FBXW11: variants seen among roughly 807,000 people sequenced by gnomAD.
The protein encoded by FBXW11 is F-box and WD repeat domain containing 11.
A neutral mutation model predicts 77.6 loss-of-function variants in FBXW11; 19 were observed. The observed-to-expected ratio is 0.24, with a 90% confidence interval of 0.17 to 0.36. The LOEUF is 0.36. Ranked by LOEUF, FBXW11 falls within the 10% of genes least tolerant of loss-of-function variation. The pLI, the probability that FBXW11 is intolerant of heterozygous loss-of-function variation, is 1.00. For missense variants in FBXW11, 334 were observed against 704.2 expected (o/e 0.47, Z 5.95); for synonymous variants, 235 against 249.4 (o/e 0.94, Z 0.54).
At chr5:171,979,852 T>C (rs1481442606) in intron 1 of FBXW11, among the ~76,000 whole-genome samples, 1 of 152,152 alleles carries the variant, frequency 6.6e-6, no homozygotes, top group Non-Finnish European at 1.5e-5. Flanking sequence ...ACAGGGTCAT[T>C]TATAACCTGA....
chr5:171,994,653 AAAG>A (rs1160042181), intron 1 of FBXW11, among the ~76,000 whole-genome samples: 3 of 152,200 alleles, frequency 2.0e-5, no homozygotes, highest in African/African-American at 7.2e-5. Context: ...CATGCTCAAT[AAAG>A]AATAAGTACC....
At chr5:172,002,460 G>A (rs1766465610) in intron 1 of FBXW11, among the ~76,000 whole-genome samples, 1 of 140,726 alleles carries the variant, frequency 7.1e-6, no homozygotes, top group Non-Finnish European at 1.5e-5. Context: ...TATTCATTTG[G>A]ACCCTATTGA....
At chr5:171,987,541 C>G (rs1335378079) in intron 1 of FBXW11, among the ~76,000 whole-genome samples, 1 of 152,142 alleles carries the variant, frequency 6.6e-6, no homozygotes, top group Admixed American at 6.5e-5. Context: ...ACCTCCACCT[C>G]CCGGGTTCAA....
rs1473096388 is a variant in FBXW11 at position 171,876,400 on chromosome 5, G to T, written c.1106C>A (p.Ala369Asp). 1 of 1,614,134 alleles carries T rather than the reference G, an allele frequency of 6.2e-7. No homozygotes were observed. Among genetic ancestry groups the T allele is most frequent in the Non-Finnish European group, 8.5e-7 (1 of 1,180,006 alleles). Reference sequence around the variant, plus strand: ...GCGTAAAGTGATGTCGGTCGCAGAAGCCATGTCCCACACAGCAATGGAGCG... The same window carrying T: ...GCGTAAAGTGATGTCGGTCGCAGAATCCATGTCCCACACAGCAATGGAGCG... The part of the protein sequence containing the change: ...KDRSIAVWDM[A>D]SATDITLRRV... Residue 369 changes from alanine to aspartate, a missense_variant, in exon 9 of 14, where the codon GCT (alanine) becomes GAT (aspartate). Ala to Asp is a moderately radical substitution (Grantham distance 126). Coordinates refer to ENST00000517395, the MANE Select transcript of FBXW11 (RefSeq NM_001378974.1). The surrounding 1 kb of genome is among the most constrained non-coding windows in gnomAD (Gnocchi z 4.2).
chr5:171,885,849 G>A (rs1437733042), intron 7 of FBXW11, among the ~76,000 whole-genome samples: 2 of 152,150 alleles, frequency 1.3e-5, no homozygotes, highest in East Asian at 3.9e-4. Flanking sequence ...AGCAAAGCTT[G>A]CTTTTAACTT....
chr5:171,967,060 A>C (rs1764229650), intron 1 of FBXW11, among the ~76,000 whole-genome samples: 1 of 152,198 alleles, frequency 6.6e-6, no homozygotes, highest in African/African-American at 2.4e-5. Context: ...TTTACCTGAC[A>C]TTAAACTCCG....
chr5:171,933,049 T>C (rs916958398), intron 2 of FBXW11, among the ~76,000 whole-genome samples: 7 of 144,538 alleles, frequency 4.8e-5, no homozygotes, highest in African/African-American at 1.8e-4. Context: ...GAGGATTGCT[T>C]AAGCCCAGGA....
intron 1 of FBXW11, among the ~76,000 whole-genome samples, chr5:171,977,989 T>G (rs1290073002): frequency 6.6e-6 from 1 of 152,034 alleles, no homozygotes; most frequent in Non-Finnish European, 1.5e-5. Flanking sequence ...ACAAGGGAAC[T>G]TAATCTATAA....
chr5:171,930,754 T>TAAAAAAAAAAAAAAAAAAAAAA (rs1300857997), intron 2 of FBXW11, among the ~76,000 whole-genome samples: 9 of 32,298 alleles, frequency 2.8e-4, no homozygotes, highest in African/African-American at 6.0e-4. Context: ...AAATAAAAAA[T>TAAAAAAAAAAAAAAAAAAAAAA]AAAAAAATAA....
At chr5:171,952,445 A>ATTTTTTTT (rs1206783053) in intron 2 of FBXW11, among the ~76,000 whole-genome samples, 2 of 9,596 alleles carry the variant, frequency 2.1e-4, no homozygotes, top group Admixed American at 1.5e-3. Context: ...ATATATATAT[A>ATTTTTTTT]TATTTTTTTT....
chr5:171,898,742 T>C (rs116616964), intron 6 of FBXW11, among the ~76,000 whole-genome samples: 229 of 152,328 alleles, frequency 1.5e-3, no homozygotes, highest in African/African-American at 5.3e-3. Flanking sequence ...AAGATGATTT[T>C]AGATTAAGGT....
intron 2 of FBXW11, among the ~76,000 whole-genome samples, chr5:171,928,179 T>A (rs1761985698): frequency 6.6e-6 from 1 of 152,206 alleles, no homozygotes; most frequent in Admixed American, 6.5e-5. Context: ...TGCATATACA[T>A]TAATTTCTTT....
At chr5:171,930,054 C>A (rs1329528167) in intron 2 of FBXW11, among the ~76,000 whole-genome samples, 3 of 152,046 alleles carry the variant, frequency 2.0e-5, no homozygotes, top group Non-Finnish European at 4.4e-5. Flanking sequence ...AGATCAAGGG[C>A]AGTTCAGGAA....
chr5:171,985,695 A>C (rs1452115845), intron 1 of FBXW11, among the ~76,000 whole-genome samples: 1 of 152,188 alleles, frequency 6.6e-6, no homozygotes, highest in African/African-American at 2.4e-5. Context: ...TGAGCCCAGG[A>C]ATTAGAGGCT....
intron 2 of FBXW11, among the ~76,000 whole-genome samples, chr5:171,925,090 G>A (rs868226883): frequency 7.9e-5 from 12 of 152,228 alleles, no homozygotes; most frequent in East Asian, 3.9e-4. Flanking sequence ...AGGGCGGAGC[G>A]CGGCCCTGGG....
intron 2 of FBXW11, among the ~76,000 whole-genome samples, chr5:171,953,804 A>C (rs979488510): frequency 6.6e-6 from 1 of 152,210 alleles, no homozygotes; most frequent in African/African-American, 2.4e-5. Flanking sequence ...CACCAAAGCC[A>C]GGGTTCTTTC....
intron 3 of FBXW11, among the ~76,000 whole-genome samples, chr5:171,913,361 C>A (rs1157834613): frequency 2.6e-5 from 4 of 152,062 alleles, no homozygotes; most frequent in Admixed American, 1.3e-4. Context: ...GAAAGAAAAA[C>A]TGAAAGCTAA....
intron 2 of FBXW11, among the ~76,000 whole-genome samples, chr5:171,946,459 A>G (rs1406674580): frequency 6.6e-6 from 1 of 152,222 alleles, no homozygotes; most frequent in Admixed American, 6.5e-5. Context: ...AAACTCTAGA[A>G]GCCCCACAGA....
At chr5:171,922,250 A>T (rs1437641431) in intron 2 of FBXW11, among the ~76,000 whole-genome samples, 1 of 152,250 alleles carries the variant, frequency 6.6e-6, no homozygotes, top group Admixed American at 6.5e-5. Context: ...AGATTATTAC[A>T]TATTTAAGAT....
Sources: gnomAD v4.1 joint callset for allele counts (sites outside exome capture counted in the v4.1 genomes callset) on GRCh38, gnomAD v4.1.1 for gene constraint, Gnocchi (gnomAD v3.1) non-coding constraint, MANE v1.5 for transcripts, NCBI Gene and HGNC (gene_info 2026-07-23, HGNC 2026-07-21) for gene names.